GPC6: variants seen among roughly 807,000 people sequenced by gnomAD.
The protein encoded by GPC6 is glypican-6.
GPC6 carries 14 observed loss-of-function variants against 55.2 expected under a neutral mutation model. The observed-to-expected ratio is 0.25, with a 90% CI of 0.17 to 0.40. GPC6 has a LOEUF of 0.40. Among genes scored for constraint, GPC6 ranks in the 10% least tolerant of loss-of-function variants. The pLI is 1.00. For missense variants in GPC6, 641 were observed against 708.5 expected, an observed-to-expected ratio of 0.90 and a Z score of 1.08; for synonymous variants, 278 against 259.6, an observed-to-expected ratio of 1.07 and a Z score of -0.68.
chr13:93,611,479 C>G (rs1046455188), intron 2 of GPC6, among the ~76,000 whole-genome samples: 5 of 152,066 alleles, frequency 3.3e-5, no homozygotes, highest in African/African-American at 4.8e-5. Flanking sequence ...TAAAAGCACT[C>G]AGTACAGAGC....
At position 93,227,495 on chromosome 13, in the gene GPC6, G is replaced by A; in HGVS notation, c.39G>A (p.Leu13=). 1 of 1,613,898 alleles carries A rather than the reference G, an allele frequency of 6.2e-7. No homozygotes were observed. Among genetic ancestry groups the A allele is most frequent in the Non-Finnish European group, 8.5e-7 (1 of 1,179,844 alleles). ...SWIGAVILPL[L]GLLLSLPAGA... ...TCGGGGCTGTGATTCTTCCCCTCTT[G>A]GGGCTGCTGCTCTCCCTCCCCGCCG... is the stretch of plus-strand genomic sequence containing the variant. Residue 13 remains leucine (L), a synonymous_variant, in exon 1 of 9, where the codon TTG becomes TTA. Transcript: ENST00000377047. The surrounding 1 kb of genome is among the most constrained non-coding windows in gnomAD (Gnocchi z 4.3).
At chr13:94,315,892 T>C (rs1247068332) in intron 6 of GPC6, among the ~76,000 whole-genome samples, 3 of 152,206 alleles carry the variant, frequency 2.0e-5, no homozygotes, top group Admixed American at 6.5e-5. Context: ...TGGCCCAGGA[T>C]GGCTTTGAAT....
intron 3 of GPC6, among the ~76,000 whole-genome samples, chr13:93,842,266 C>G (rs1451086308): frequency 6.6e-6 from 1 of 152,126 alleles, no homozygotes; most frequent in Non-Finnish European, 1.5e-5. Context: ...AAGGAGAATT[C>G]AACTGTGCTT....
At chr13:93,284,560 T>A (rs1210300147) in intron 1 of GPC6, among the ~76,000 whole-genome samples, 1 of 152,230 alleles carries the variant, frequency 6.6e-6, no homozygotes, top group African/African-American at 2.4e-5. Flanking sequence ...TTGTATTTCA[T>A]ATATTTGTCA....
At chr13:93,398,008 G>A (rs946756317) in intron 1 of GPC6, among the ~76,000 whole-genome samples, 10 of 152,136 alleles carry the variant, frequency 6.6e-5, no homozygotes, top group Admixed American at 3.3e-4. Context: ...TCTTCCAATA[G>A]TAAATTTGTT....
chr13:93,685,618 G>A (rs748502861), intron 2 of GPC6, among the ~76,000 whole-genome samples: 1 of 152,074 alleles, frequency 6.6e-6, no homozygotes, highest in Non-Finnish European at 1.5e-5. Flanking sequence ...TGAAATGTGG[G>A]TGGTCTTATG....
rs755780783 is a variant in GPC6 at position 94,306,153 on chromosome 13, G to A, written c.1152+30G>A. On this transcript the variant is annotated intron_variant, in intron 6 of 8. Coordinates refer to ENST00000377047, the MANE Select transcript of GPC6 (RefSeq NM_005708.5). ...GTATTCACAGATTGATAACCATGGC[G>A]GATGCTTTGTTTTACCAAGGTCATT... 6.2e-6 allele frequency: 10 copies of A among 1,613,064 alleles called. No individual in the cohort carries two copies. The East Asian group carries it at 6.7e-5, about 11-fold the overall frequency.
intron 2 of GPC6, among the ~76,000 whole-genome samples, chr13:93,618,837 A>G (rs945179793): frequency 6.6e-6 from 1 of 152,246 alleles, no homozygotes; most frequent in East Asian, 1.9e-4. Flanking sequence ...GCATTGCTTA[A>G]TGATGGGGAT....
chr13:94,156,089 T>G (rs1887926605), intron 4 of GPC6, among the ~76,000 whole-genome samples: 1 of 152,178 alleles, frequency 6.6e-6, no homozygotes, highest in African/African-American at 2.4e-5. Flanking sequence ...CACCTTTGGC[T>G]TTTCCATATC....
At chr13:94,394,460 A>G (rs932999424) in intron 7 of GPC6, among the ~76,000 whole-genome samples, 46 of 152,222 alleles carry the variant, frequency 3.0e-4, no homozygotes, top group Admixed American at 2.9e-3. Flanking sequence ...GGATGCTGTC[A>G]TGTCAAAAAA....
intron 4 of GPC6, among the ~76,000 whole-genome samples, chr13:94,145,939 C>A (rs1339897535): frequency 1.3e-5 from 2 of 152,066 alleles, no homozygotes; most frequent in Non-Finnish European, 2.9e-5. Flanking sequence ...AAATGGACTT[C>A]TCTGTGTCTG....
At chr13:93,667,872 C>T (rs1297425440) in intron 2 of GPC6, among the ~76,000 whole-genome samples, 1 of 151,824 alleles carries the variant, frequency 6.6e-6, no homozygotes, top group Non-Finnish European at 1.5e-5. Flanking sequence ...TGAGTTAGAA[C>T]TTGATCAATT....
In GPC6 at chr13:93,992,044, A is replaced by G. The variant is rs1050350656; in HGVS notation, c.712-35685A>G. On this transcript the variant is annotated intron_variant, in intron 3 of 8. Transcript: ENST00000377047. ...TAGTTTATATAGACATCTTTATGGT[A>G]TATTTACACATATACCCCTCTTATA... 1.6e-4 allele frequency among the ~76,000 whole-genome samples: 25 copies of G among 151,844 alleles called. 1 individual carries two copies. Among genetic ancestry groups the G allele is most frequent in the African/African-American group, 6.0e-4 (25 of 41,446 alleles).
At chr13:94,131,670 G>A (rs181368828) in intron 4 of GPC6, among the ~76,000 whole-genome samples, 5 of 151,886 alleles carry the variant, frequency 3.3e-5, no homozygotes, top group East Asian at 3.9e-4. Flanking sequence ...GAAAGAGGCC[G>A]TGAGTCTGAT....
At chr13:93,825,175 C>T (rs1259030454) in intron 2 of GPC6, among the ~76,000 whole-genome samples, 1 of 152,048 alleles carries the variant, frequency 6.6e-6, no homozygotes, top group Non-Finnish European at 1.5e-5. Context: ...GGTCTTGTCC[C>T]CAAGAGGACA....
chr13:93,531,800 A>G (rs1316950659), intron 1 of GPC6, among the ~76,000 whole-genome samples: 1 of 152,224 alleles, frequency 6.6e-6, no homozygotes, highest in Non-Finnish European at 1.5e-5. Flanking sequence ...AATTTATTTC[A>G]TACATAGTCA....
chr13:93,305,180 C>T (rs932687047), intron 1 of GPC6, among the ~76,000 whole-genome samples: 2 of 152,130 alleles, frequency 1.3e-5, no homozygotes, highest in Non-Finnish European at 2.9e-5. Context: ...AACAAGAGTC[C>T]TCTCTATCTG....
intron 4 of GPC6, among the ~76,000 whole-genome samples, chr13:94,047,003 AGTGTT>A (rs915261625): frequency 2.6e-5 from 4 of 152,156 alleles, no homozygotes; most frequent in African/African-American, 9.7e-5. Context: ...TTAAATCTAT[AGTGTT>A]TTTTAGGAAT....
chr13:93,588,798 A>G (rs1237982433), intron 2 of GPC6, among the ~76,000 whole-genome samples: 1 of 152,168 alleles, frequency 6.6e-6, no homozygotes, highest in Non-Finnish European at 1.5e-5. Flanking sequence ...CCCACCTCCA[A>G]CATTGGAGAT....
Sources: allele counts gnomAD v4.1 joint callset (sites outside exome capture counted in the v4.1 genomes callset), GRCh38; gene constraint gnomAD v4.1.1; non-coding constraint Gnocchi (gnomAD v3.1); transcripts MANE v1.5; gene names NCBI Gene and HGNC (gene_info 2026-07-23, HGNC 2026-07-21).